Variants in ADGRB3 observed in about 807,000 individuals in gnomAD.
ADGRB3 encodes brain-specific angiogenesis inhibitor 3.
A neutral mutation model predicts 193.4 loss-of-function variants in ADGRB3; 37 were observed. That is an observed-to-expected ratio of 0.19 (90% CI 0.15 to 0.25). The LOEUF (loss-of-function observed/expected upper bound fraction) is 0.25, where lower values mean the gene tolerates loss of function less well. Ranked by LOEUF, ADGRB3 falls within the 10% of genes least tolerant of loss-of-function variation. The probability of loss-of-function intolerance (pLI) is 1.00; values close to 1 mark genes in which losing one functional copy is unlikely to be tolerated. For missense variants in ADGRB3, 1,637 were observed against 1,852.9 expected (o/e 0.88, Z 2.14); for synonymous variants, 690 against 644.2 (o/e 1.07, Z -1.08).
intron 15 of ADGRB3, among the ~76,000 whole-genome samples, chr6:69,052,041 C>A (rs1448701074): frequency 1.3e-5 from 2 of 152,176 alleles, no homozygotes; most frequent in Admixed American, 1.3e-4. Flanking sequence ...CAGGCGCCCA[C>A]CACCACGCCG....
chr6:69,198,533 T>C (rs1043327478), intron 17 of ADGRB3, among the ~76,000 whole-genome samples: 2 of 151,974 alleles, frequency 1.3e-5, no homozygotes, highest in Non-Finnish European at 2.9e-5. Context: ...GATACCTGAA[T>C]AAAGGGAGTA....
chr6:69,030,453 A>T (rs561737784), intron 13 of ADGRB3, among the ~76,000 whole-genome samples: 1 of 152,204 alleles, frequency 6.6e-6, no homozygotes, highest in African/African-American at 2.4e-5. Context: ...GGATGAGTTC[A>T]TGTTCTTTGC....
Position 69,388,856 on chromosome 6 carries a change from G to T in ADGRB3, c.4534G>T (p.Asp1512Tyr). ...EWEKCLNLPLDVQEGDFQTEV is the reference protein window; with the variant it reads ...EWEKCLNLPLYVQEGDFQTEV Reference sequence around the variant, plus strand: ...GGAGAAGTGTCTGAATTTGCCTCTGGATGTGCAAGAGGGTGACTTTCAAAC... The same window carrying T: ...GGAGAAGTGTCTGAATTTGCCTCTGTATGTGCAAGAGGGTGACTTTCAAAC... Residue 1512 changes from aspartate (D) to tyrosine (Y), a missense_variant, in exon 32 of 32, where the codon GAT becomes TAT. Around this residue, in one of 7 missense-constraint regions of ADGRB3, gnomAD observed 368 missense variants for 367.4 expected, o/e 1.00. Transcript: ENST00000370598. 6.2e-7 allele frequency: 1 copy of T among 1,613,126 alleles called. No homozygotes were observed. Among genetic ancestry groups the T allele is most frequent in the Non-Finnish European group, 8.5e-7 (1 of 1,179,502 alleles).
intron 3 of ADGRB3, among the ~76,000 whole-genome samples, chr6:68,750,061 T>C (rs762935513): frequency 6.6e-6 from 1 of 152,110 alleles, no homozygotes; most frequent in African/African-American, 2.4e-5. Flanking sequence ...CATTAGAATA[T>C]CAACAGCTAT....
intron 3 of ADGRB3, among the ~76,000 whole-genome samples, chr6:68,829,522 A>G (rs1767914919): frequency 6.6e-6 from 1 of 152,180 alleles, no homozygotes; most frequent in Non-Finnish European, 1.5e-5. Context: ...TCTGATACAA[A>G]GTCAAGAAAA....
intron 17 of ADGRB3, among the ~76,000 whole-genome samples, chr6:69,088,122 C>T (rs1363888135): frequency 6.6e-6 from 1 of 151,964 alleles, no homozygotes; most frequent in Non-Finnish European, 1.5e-5. Context: ...TCACTTTTTC[C>T]AACACCTGTA....
At chr6:69,278,375 C>A (rs1035453230) in intron 20 of ADGRB3, among the ~76,000 whole-genome samples, 1 of 152,146 alleles carries the variant, frequency 6.6e-6, no homozygotes, top group South Asian at 2.1e-4. Flanking sequence ...ATTCAGTGAG[C>A]CCTGATAACT....
chr6:68,975,403 G>C (rs1351816793), intron 10 of ADGRB3, 63 bp downstream of exon 10: 5 of 1,239,968 alleles, frequency 4.0e-6, no homozygotes, highest in Non-Finnish European at 5.9e-6. Flanking sequence ...CACTGTGTGA[G>C]AATTTAACCT....
chr6:68,884,126 C>G (rs1765828957), intron 3 of ADGRB3, among the ~76,000 whole-genome samples: 1 of 152,146 alleles, frequency 6.6e-6, no homozygotes, highest in Admixed American at 6.5e-5. Context: ...TCCATGATTT[C>G]CAAGGTTCAT....
At chr6:68,996,786 CAT>C (rs899344252) in intron 11 of ADGRB3, among the ~76,000 whole-genome samples, 2 of 152,104 alleles carry the variant, frequency 1.3e-5, no homozygotes, top group African/African-American at 4.8e-5. Context: ...GAAAAAAAGA[CAT>C]GTTTCTGATC....
intron 16 of ADGRB3, among the ~76,000 whole-genome samples, chr6:69,073,670 G>T (rs541235526): frequency 3.1e-4 from 47 of 152,224 alleles, no homozygotes; most frequent in Non-Finnish European, 6.6e-4. Flanking sequence ...TCCTTATACT[G>T]CACAGGCCTT....
intron 4 of ADGRB3, among the ~76,000 whole-genome samples, chr6:68,934,511 A>G (rs914097392): frequency 1.3e-5 from 2 of 152,190 alleles, no homozygotes; most frequent in Non-Finnish European, 2.9e-5. Flanking sequence ...GTAAAATAGA[A>G]CTAATTTTAT....
chr6:69,280,840 T>A (rs1404858334), intron 20 of ADGRB3, among the ~76,000 whole-genome samples: 1 of 151,874 alleles, frequency 6.6e-6, no homozygotes, highest in Non-Finnish European at 1.5e-5. Flanking sequence ...CATGCTTCTG[T>A]AACTACAAAA....
At chr6:68,661,206 G>T (rs1768622390) in intron 3 of ADGRB3, among the ~76,000 whole-genome samples, 2 of 148,330 alleles carry the variant, frequency 1.3e-5, no homozygotes, top group South Asian at 4.2e-4. Flanking sequence ...TATAAATAGG[G>T]AATATATTTA....
chr6:68,723,061 A>G (rs1302912255), intron 3 of ADGRB3, among the ~76,000 whole-genome samples: 2 of 151,750 alleles, frequency 1.3e-5, no homozygotes, highest in Non-Finnish European at 2.9e-5. Context: ...CAATGTTTAA[A>G]GATAGTAAAC....
chr6:69,043,325 A>AAAGG (rs1771139051), intron 13 of ADGRB3, among the ~76,000 whole-genome samples: 1 of 151,082 alleles, frequency 6.6e-6, no homozygotes, highest in African/African-American at 2.5e-5. Context: ...AGAAAGAAAG[A>AAAGG]AAGAAAGAGA....
At chr6:69,185,867 A>C (rs1381862483) in intron 17 of ADGRB3, among the ~76,000 whole-genome samples, 2 of 152,190 alleles carry the variant, frequency 1.3e-5, no homozygotes, top group African/African-American at 4.8e-5. Context: ...ATTCATTTTG[A>C]ATTTGTATTT....
intron 17 of ADGRB3, among the ~76,000 whole-genome samples, chr6:69,127,889 A>G (rs1173745416): frequency 9.4e-6 from 1 of 106,784 alleles, no homozygotes; most frequent in East Asian, 4.5e-4. Flanking sequence ...TACAGCCAAG[A>G]TAATAGTTTT....
chr6:68,816,476 C>G (rs1355652924), intron 3 of ADGRB3, among the ~76,000 whole-genome samples: 1 of 151,778 alleles, frequency 6.6e-6, no homozygotes, highest in Non-Finnish European at 1.5e-5. Context: ...GAGCTTTTTT[C>G]TCCTTATTCT....
Sources: gnomAD v4.1 joint callset for allele counts (sites outside exome capture counted in the v4.1 genomes callset) on GRCh38, gnomAD v4.1.1 for gene constraint, gnomAD v4.1.1 regional missense constraint, MANE v1.5 for transcripts, NCBI Gene and HGNC (gene_info 2026-07-23, HGNC 2026-07-21) for gene names.